Variants in CHRM5 observed in about 807,000 individuals in gnomAD.
CHRM5 encodes cholinergic receptor muscarinic 5.
Under a neutral mutation model 39.0 loss-of-function variants are expected in CHRM5, and 18 were observed. That is an observed-to-expected ratio of 0.46 (90% CI 0.32 to 0.68). CHRM5 has a LOEUF of 0.68. Among genes scored for constraint, CHRM5 ranks in the 30% least tolerant of loss-of-function variants. CHRM5 has a pLI of 0.04. For synonymous variants in CHRM5, 241 were observed against 246.3 expected, an observed-to-expected ratio of 0.98 and a Z score of 0.20; for missense variants, 515 against 651.1, an observed-to-expected ratio of 0.79 and a Z score of 2.28.
At chr15:34,025,718 A>G (rs1428696267) in intron 1 of CHRM5, among the ~76,000 whole-genome samples, 1 of 152,186 alleles carries the variant, frequency 6.6e-6, no homozygotes, top group African/African-American at 2.4e-5. Flanking sequence ...AGAAGAAAAA[A>G]AAATTGTGTG....
intron 2 of CHRM5, among the ~76,000 whole-genome samples, chr15:34,055,008 C>T (rs1209478671): frequency 6.6e-6 from 1 of 152,174 alleles, no homozygotes; most frequent in African/African-American, 2.4e-5. Context: ...GCCTGACCAA[C>T]ATGGAGAAAC....
At chr15:33,983,183 C>CGT (rs536612414) in intron 1 of CHRM5, among the ~76,000 whole-genome samples, 4,247 of 96,828 alleles carry the variant, frequency 0.044, 256 homozygotes, top group African/African-American at 0.14. Context: ...TATATACACA[C>CGT]GTGTGTGTAT....
chr15:34,036,090 C>A (rs1899110339), intron 1 of CHRM5, among the ~76,000 whole-genome samples: 1 of 150,766 alleles, frequency 6.6e-6, no homozygotes, highest in African/African-American at 2.4e-5. Context: ...GCCACCACAC[C>A]CAGCCAGTTT....
chr15:33,988,206 A>G (rs1469476973), intron 1 of CHRM5, among the ~76,000 whole-genome samples: 1 of 152,240 alleles, frequency 6.6e-6, no homozygotes, highest in African/African-American at 2.4e-5. Context: ...GAAACAAAAA[A>G]TGTGTATCTT....
At chr15:33,969,223 A>G (rs1895522172) in intron 1 of CHRM5, 73 bp downstream of exon 1, 1 of 152,046 alleles carries the variant, frequency 6.6e-6, no homozygotes, top group African/African-American at 2.4e-5. Context: ...TGTGAATGAG[A>G]TAGTGGATTT....
At chr15:34,032,910 T>C (rs1200896728) in intron 1 of CHRM5, among the ~76,000 whole-genome samples, 1 of 152,208 alleles carries the variant, frequency 6.6e-6, no homozygotes, top group Non-Finnish European at 1.5e-5. Flanking sequence ...ATCAAAGTGA[T>C]GGAGAACCTA....
At chr15:34,029,276 T>C (rs1183766861) in intron 1 of CHRM5, among the ~76,000 whole-genome samples, 4 of 152,298 alleles carry the variant, frequency 2.6e-5, no homozygotes, top group Admixed American at 2.6e-4. Context: ...TCAACATGTA[T>C]GTTTAATTTT....
chr15:34,036,908 G>T (rs1285652384), intron 1 of CHRM5, among the ~76,000 whole-genome samples: 1 of 151,990 alleles, frequency 6.6e-6, no homozygotes, highest in South Asian at 2.1e-4. Flanking sequence ...TCAGGAGTTC[G>T]AGACCAGCCT....
At chr15:34,051,735 T>C (rs1225033519) in intron 2 of CHRM5, among the ~76,000 whole-genome samples, 1 of 151,656 alleles carries the variant, frequency 6.6e-6, no homozygotes, top group Non-Finnish European at 1.5e-5. Flanking sequence ...AACTAGAAAA[T>C]CTAGAAGAAA....
chr15:34,063,655 A>C lies in CHRM5; in HGVS notation c.938A>C (p.Asp313Ala), dbSNP rs374089666. The change falls in exon 3 of 3, where the codon GAC becomes GCC. Residue 313 changes from aspartate to alanine, a missense_variant. By Grantham distance (126) the Asp-to-Ala change is moderately radical (BLOSUM62 -2). Coordinates refer to ENST00000383263, the MANE Select transcript of CHRM5 (RefSeq NM_012125.4). The surrounding 1 kb of genome is among the most constrained non-coding windows in gnomAD (Gnocchi z 4.1). Reference sequence around the variant, plus strand: ...AGCTACCCTTCCTCAGAGGATGAGGACAAGCCCGCCACTGACCCTGTCCTC... The same window carrying C: ...AGCTACCCTTCCTCAGAGGATGAGGCCAAGCCCGCCACTGACCCTGTCCTC... ...CSSYPSSEDEDKPATDPVLQV... is the reference protein window; with the variant it reads ...CSSYPSSEDEAKPATDPVLQV... 29 of 1,614,032 alleles carry C rather than the reference A, an allele frequency of 1.8e-5. No individual in the cohort carries two copies. The highest frequency in any genetic ancestry group is 2.4e-5 in the Non-Finnish European group (28 of 1,180,028).
intron 2 of CHRM5, among the ~76,000 whole-genome samples, chr15:34,051,437 G>C (rs968273353): frequency 1.3e-5 from 2 of 152,076 alleles, no homozygotes; most frequent in African/African-American, 4.8e-5. Context: ...AAGAACTAGA[G>C]AATCAAGAGC....
chr15:34,040,077 T>C (rs552845986), intron 1 of CHRM5, among the ~76,000 whole-genome samples: 1 of 152,192 alleles, frequency 6.6e-6, no homozygotes, highest in Non-Finnish European at 1.5e-5. Context: ...TCTGGTTCTT[T>C]CCTATATCCA....
chr15:34,005,725 C>T (rs562578535), intron 1 of CHRM5, among the ~76,000 whole-genome samples: 1 of 152,316 alleles, frequency 6.6e-6, no homozygotes, highest in East Asian at 1.9e-4. Flanking sequence ...GTTCCCCAAC[C>T]ATTCACTTAA....
intron 1 of CHRM5, among the ~76,000 whole-genome samples, chr15:33,995,229 A>C (rs2140587755): frequency 6.6e-6 from 1 of 152,278 alleles, no homozygotes; most frequent in South Asian, 2.1e-4. Flanking sequence ...ATGCCACTGC[A>C]CTCCAGCCTG....
intron 1 of CHRM5, among the ~76,000 whole-genome samples, chr15:33,978,928 C>T (rs1423703951): frequency 4.4e-5 from 2 of 44,944 alleles, no homozygotes; most frequent in Admixed American, 3.6e-4. Flanking sequence ...TATGTCCATG[C>T]CAGGCAAAAG....
chr15:34,026,443 G>C (rs1291836909), intron 1 of CHRM5, among the ~76,000 whole-genome samples: 5 of 152,136 alleles, frequency 3.3e-5, no homozygotes, highest in African/African-American at 4.8e-5. Context: ...TTGATGACAA[G>C]GGGAGATATG....
chr15:33,999,668 C>T (rs1382268529), intron 1 of CHRM5, among the ~76,000 whole-genome samples: 2 of 152,132 alleles, frequency 1.3e-5, no homozygotes, highest in Non-Finnish European at 2.9e-5. Context: ...CACTTTTCAC[C>T]ACCTCCACTG....
In CHRM5 at chr15:34,064,141, C is replaced by T; in HGVS notation, c.1424C>T (p.Thr475Ile). 6.2e-7 allele frequency: 1 copy of T among 1,614,208 alleles called. No homozygotes were observed. The highest frequency in any genetic ancestry group is 8.5e-7 in the Non-Finnish European group (1 of 1,180,036). Reference sequence around the variant, plus strand: ...TTCTGTGACAAGTGTGTCCCAGTCACCCTGTGGCACTTGGGCTATTGGTTG... The same window carrying T: ...TTCTGTGACAAGTGTGTCCCAGTCATCCTGTGGCACTTGGGCTATTGGTTG... ...STFCDKCVPV[T>I]LWHLGYWLCY... The change falls in exon 3 of 3, where the codon ACC becomes ATC. Residue 475 changes from threonine to isoleucine, a missense_variant. Thr to Ile is a moderately conservative substitution (Grantham distance 89). Coordinates refer to ENST00000383263, the MANE Select transcript of CHRM5 (RefSeq NM_012125.4).
chr15:34,007,828 T>C (rs1307726477), intron 1 of CHRM5, among the ~76,000 whole-genome samples: 1 of 152,182 alleles, frequency 6.6e-6, no homozygotes, highest in Non-Finnish European at 1.5e-5. Flanking sequence ...GGAGAATCTA[T>C]TCCATGACCT....
Sources: allele counts gnomAD v4.1 joint callset (sites outside exome capture counted in the v4.1 genomes callset), GRCh38; gene constraint gnomAD v4.1.1; non-coding constraint Gnocchi (gnomAD v3.1); transcripts MANE v1.5; gene names NCBI Gene and HGNC (gene_info 2026-07-23, HGNC 2026-07-21).